Variants in PDE1C observed in about 807,000 individuals in gnomAD.
The protein encoded by PDE1C is dual specificity calcium/calmodulin-dependent 3',5'-cyclic nucleotide phosphodiesterase 1C.
PDE1C carries 62 observed loss-of-function variants against 93.1 expected under a neutral mutation model. The ratio of observed to expected loss-of-function variants is 0.67; its 90% CI spans 0.54 to 0.82. PDE1C has a LOEUF of 0.82. PDE1C is among the 40% of genes least tolerant of loss of function. PDE1C has a pLI of 0.00. For synonymous variants in PDE1C, 325 were observed against 310.1 expected, an observed-to-expected ratio of 1.05 and a Z score of -0.50; for missense variants, 742 against 884.6, an observed-to-expected ratio of 0.84 and a Z score of 2.04.
chr7:32,367,956 A>C (rs1784256689), intron 1 of PDE1C, among the ~76,000 whole-genome samples: 2 of 152,078 alleles, frequency 1.3e-5, no homozygotes, highest in South Asian at 4.1e-4. Flanking sequence ...TTAAAAAAAA[A>C]AAATCAACAC....
chr7:32,232,720 C>T (rs185149024), intron 1 of PDE1C, among the ~76,000 whole-genome samples: 2 of 152,294 alleles, frequency 1.3e-5, no homozygotes, highest in East Asian at 3.9e-4. Flanking sequence ...AAGCAGCATA[C>T]CATAGGCTTT....
chr7:32,207,614 C>T lies in PDE1C; in HGVS notation c.136+1875G>A, dbSNP rs564418206. ...ATGGCAATTAACTCAGGAGCTTTTT[C>T]GTTCTCCTTTTTTTTCCCTGTATCA... On this transcript the variant is annotated intron_variant, in intron 2 of 18. Coordinates refer to the PDE1C transcript ENST00000396193. Among the ~76,000 whole-genome samples, 18 of 144,372 alleles carry T rather than the reference C, an allele frequency of 1.2e-4. No individual in the cohort carries two copies. In the South Asian group the frequency reaches 3.7e-3, roughly 29 times the overall value. The allele number at this position is 144,372 out of a possible 152,430, so 94.7% of individuals were successfully genotyped here. A position where few individuals can be genotyped will look rare whatever the true frequency, so the allele number is the denominator to read the frequency against.
chr7:32,019,638 T>A (rs1348670187), intron 2 of PDE1C, among the ~76,000 whole-genome samples: 1 of 152,042 alleles, frequency 6.6e-6, no homozygotes, highest in East Asian at 1.9e-4. Flanking sequence ...GAAATGATAG[T>A]TTGAACCATG....
intron 2 of PDE1C, among the ~76,000 whole-genome samples, chr7:32,022,014 T>C (rs1276926491): frequency 6.6e-6 from 1 of 152,084 alleles, no homozygotes; most frequent in Admixed American, 6.6e-5. Context: ...ATTCCTCATG[T>C]TTAACTTAAG....
chr7:31,739,905 A>G, the PDE1C span, among the ~76,000 whole-genome samples: 1 of 152,246 alleles, frequency 6.6e-6, no homozygotes, highest in Middle Eastern at 3.2e-3. Flanking sequence ...TTCAGAGGGC[A>G]CATTGACGTA....
At chr7:32,020,966 C>T (rs1017499772) in intron 2 of PDE1C, among the ~76,000 whole-genome samples, 4 of 152,244 alleles carry the variant, frequency 2.6e-5, no homozygotes, top group South Asian at 2.1e-4. Context: ...TGCTTTGCTA[C>T]AGAAACAAAC....
chr7:32,223,726 T>C (rs1807049185), intron 1 of PDE1C, among the ~76,000 whole-genome samples: 1 of 152,204 alleles, frequency 6.6e-6, no homozygotes, highest in African/African-American at 2.4e-5. Flanking sequence ...AGAACCAGAA[T>C]AGTGCCTGGC....
At chr7:32,311,326 C>G (rs1321872703) in intron 1 of PDE1C, among the ~76,000 whole-genome samples, 1 of 152,186 alleles carries the variant, frequency 6.6e-6, no homozygotes, top group Non-Finnish European at 1.5e-5. Context: ...ACCAGAGGTA[C>G]AAGGAGGAGC....
the PDE1C span, among the ~76,000 whole-genome samples, chr7:31,744,261 AACAC>A: frequency 4.0e-5 from 6 of 150,340 alleles, no homozygotes; most frequent in East Asian, 1.9e-4. Context: ...TATGTAGACA[AACAC>A]ACACACACAC....
At chr7:32,306,664 C>T (rs940191173) in intron 1 of PDE1C, among the ~76,000 whole-genome samples, 1 of 152,170 alleles carries the variant, frequency 6.6e-6, no homozygotes, top group Non-Finnish European at 1.5e-5. Context: ...TTCAGTGACT[C>T]CCTGTCGCTG....
At chr7:31,756,905 G>A (rs1794503736) in intron 17 of PDE1C, among the ~76,000 whole-genome samples, 1 of 152,220 alleles carries the variant, frequency 6.6e-6, no homozygotes, top group Non-Finnish European at 1.5e-5. Flanking sequence ...GCCAGTGCAG[G>A]AGCAGGACAC....
At chr7:32,037,365 T>C (rs1439978580) in intron 2 of PDE1C, among the ~76,000 whole-genome samples, 2 of 152,088 alleles carry the variant, frequency 1.3e-5, no homozygotes, top group Non-Finnish European at 2.9e-5. Context: ...GGCAGGGAGT[T>C]GCCCCTCACC....
Position 31,873,341 on chromosome 7 carries a change from A to T in PDE1C, c.560T>A (p.Phe187Tyr). The change falls in exon 6 of 18, where the codon TTT becomes TAT. Residue 187 changes from phenylalanine to tyrosine, a missense_variant. Physicochemically the swap from Phe to Tyr is conservative, Grantham distance 22. Around this residue, in one of 4 missense-constraint regions of PDE1C, gnomAD observed 205 missense variants for 295.3 expected, o/e 0.69. Transcript: ENST00000396191. The stretch of plus-strand genomic sequence containing the variant: ...ACGTGTGAGTAGTTCATAGAAAATA[A>T]ATTTCAGTGCATGATCCCCACTGGC... Reference protein sequence around the residue: ...NEASGDHALKFIFYELLTRYD... With the variant: ...NEASGDHALKYIFYELLTRYD... The T allele has an allele frequency of 1.2e-6, 2 of 1,613,910 alleles. No individual in the cohort carries two copies. The highest frequency in any genetic ancestry group is 1.7e-6 in the Non-Finnish European group (2 of 1,179,822).
intron 7 of PDE1C, among the ~76,000 whole-genome samples, chr7:31,863,305 G>A (rs752997803): frequency 1.1e-4 from 16 of 152,148 alleles, no homozygotes; most frequent in East Asian, 3.9e-4. Context: ...TAGACCTATC[G>A]AGGTATTTTA....
chr7:31,634,969 G>C, the PDE1C span, among the ~76,000 whole-genome samples: 2 of 152,266 alleles, frequency 1.3e-5, no homozygotes, highest in Non-Finnish European at 1.5e-5. Context: ...GGAACTGGGT[G>C]GGGTGGGATT....
intron 2 of PDE1C, among the ~76,000 whole-genome samples, chr7:31,964,584 T>C (rs987042512): frequency 1.3e-5 from 2 of 152,234 alleles, no homozygotes; most frequent in East Asian, 1.9e-4. Flanking sequence ...TGAATGTCCC[T>C]GTCTGTCAGC....
chr7:31,776,700 T>C (rs1166033472), intron 16 of PDE1C, among the ~76,000 whole-genome samples: 1 of 152,054 alleles, frequency 6.6e-6, no homozygotes, highest in Non-Finnish European at 1.5e-5. Context: ...TATTCATTCA[T>C]TCATTTATTT....
At chr7:32,356,960 T>A (rs1353498673) in intron 1 of PDE1C, among the ~76,000 whole-genome samples, 3 of 98,730 alleles carry the variant, frequency 3.0e-5, no homozygotes, top group Non-Finnish European at 2.2e-5. Context: ...TGCCACTTAT[T>A]TTTTGCCAAG....
intron 2 of PDE1C, among the ~76,000 whole-genome samples, chr7:32,174,279 C>T (rs1802840955): frequency 6.6e-6 from 1 of 152,038 alleles, no homozygotes; most frequent in African/African-American, 2.4e-5. Context: ...ATTGAATTCC[C>T]TCAATGTGCC....
Sources: gnomAD v4.1 joint callset for allele counts (sites outside exome capture counted in the v4.1 genomes callset) on GRCh38, gnomAD v4.1.1 for gene constraint, gnomAD v4.1.1 regional missense constraint, MANE v1.5 for transcripts, NCBI Gene and HGNC (gene_info 2026-07-23, HGNC 2026-07-21) for gene names.